Variants in SYT6 observed in about 807,000 individuals in gnomAD.
SYT6 encodes the protein synaptotagmin-6.
In SYT6, 24 loss-of-function variants were observed where a neutral mutation model predicts 38.4. That is an observed-to-expected ratio of 0.62 (90% CI 0.45 to 0.88). SYT6 has a LOEUF of 0.88. SYT6 is among the 40% of genes least tolerant of loss of function. The pLI is 0.00. For synonymous variants in SYT6, 265 were observed against 241.9 expected (o/e 1.10, Z -0.89); for missense variants, 611 against 621.0 (o/e 0.98, Z 0.17).
At chr1:114,143,418 A>G (rs1678978128) in intron 1 of SYT6, among the ~76,000 whole-genome samples, 1 of 148,778 alleles carries the variant, frequency 6.7e-6, no homozygotes, top group South Asian at 2.1e-4. Context: ...ATGTGTGTAT[A>G]TATACATATA....
intron 3 of SYT6, among the ~76,000 whole-genome samples, chr1:114,137,089 C>A (rs1046630027): frequency 6.6e-6 from 1 of 152,192 alleles, no homozygotes; most frequent in Non-Finnish European, 1.5e-5. Flanking sequence ...GAAACATGAA[C>A]AAGGCATAAA....
intron 6 of SYT6, among the ~76,000 whole-genome samples, chr1:114,097,274 T>C (rs1215942810): frequency 6.6e-6 from 1 of 152,218 alleles, no homozygotes; most frequent in African/African-American, 2.4e-5. Context: ...AGGAATCTGC[T>C]CTTTGGCATC....
chr1:114,107,528 C>T (rs562263443), intron 3 of SYT6, among the ~76,000 whole-genome samples: 4 of 152,356 alleles, frequency 2.6e-5, no homozygotes, highest in African/African-American at 4.8e-5. Flanking sequence ...AGGCTTCGCA[C>T]GGGGGAGTGG....
chr1:114,093,604 C>T (rs1079093), intron 7 of SYT6, 131 bp downstream of exon 7: 289,181 of 756,708 alleles, frequency 0.38, 57,109 homozygotes, highest in East Asian at 0.5. Context: ...GAAACCAGGT[C>T]TCCTAACACC....
chr1:114,129,020 T>G (rs1488160084), intron 3 of SYT6, among the ~76,000 whole-genome samples: 1 of 152,316 alleles, frequency 6.6e-6, no homozygotes, highest in East Asian at 1.9e-4. Context: ...CACTTGGATG[T>G]CCAAAAGGTA....
chr1:114,139,988 G>T, intron 1 of SYT6, 25 bp from the exon 2 acceptor site: 1 of 1,411,694 alleles, frequency 7.1e-7, no homozygotes, highest in Non-Finnish European at 9.5e-7. Context: ...AGCCAGGCAG[G>T]GAGGGACAGA....
intron 3 of SYT6, among the ~76,000 whole-genome samples, chr1:114,126,868 C>T (rs1677778226): frequency 6.6e-6 from 1 of 152,158 alleles, no homozygotes; most frequent in African/African-American, 2.4e-5. Context: ...GAGCCGTACC[C>T]TACAGGAAGC....
At chr1:114,116,079 C>T (rs1676976741) in intron 3 of SYT6, among the ~76,000 whole-genome samples, 1 of 152,180 alleles carries the variant, frequency 6.6e-6, no homozygotes, top group South Asian at 2.1e-4. Flanking sequence ...TTCTGCCTGC[C>T]CCCACCTGCC....
At chr1:114,096,896 T>C (rs959642940) in intron 6 of SYT6, among the ~76,000 whole-genome samples, 2 of 152,234 alleles carry the variant, frequency 1.3e-5, no homozygotes, top group Non-Finnish European at 2.9e-5. Flanking sequence ...GAGTGAGGTT[T>C]AAGCCTTGTT....
chr1:114,096,976 G>A (rs1200568079), intron 6 of SYT6, among the ~76,000 whole-genome samples: 1 of 152,166 alleles, frequency 6.6e-6, no homozygotes. Context: ...TAGAATACAG[G>A]ATCCTAAGTC....
At chr1:114,149,866 G>A (rs1376761057) in intron 1 of SYT6, among the ~76,000 whole-genome samples, 1 of 152,094 alleles carries the variant, frequency 6.6e-6, no homozygotes, top group Non-Finnish European at 1.5e-5. Context: ...GAAGAAAGAA[G>A]GGAGGGATGA....
At chr1:114,095,821 T>C (rs1216705305) in intron 6 of SYT6, among the ~76,000 whole-genome samples, 1 of 152,048 alleles carries the variant, frequency 6.6e-6, no homozygotes, top group African/African-American at 2.4e-5. Context: ...CTACCACACC[T>C]GGCTAATTTT....
intron 6 of SYT6, 111 bp downstream of exon 6, chr1:114,097,616 C>T (rs376464936): frequency 1.6e-5 from 22 of 1,371,190 alleles, no homozygotes; most frequent in East Asian, 1.4e-4. Context: ...GCATGTGGCC[C>T]TCATGCCCAC....
At chr1:114,093,916 T>A (rs1675473888) in intron 6 of SYT6, 113 bp from the exon 7 acceptor site, 1 of 962,300 alleles carries the variant, frequency 1.0e-6, no homozygotes, top group Non-Finnish European at 1.7e-6. Flanking sequence ...TGCTCTTATT[T>A]AACAGACCTT....
chr1:114,129,285 A>G (rs145567812), intron 3 of SYT6, among the ~76,000 whole-genome samples: 1 of 152,278 alleles, frequency 6.6e-6, no homozygotes, highest in Admixed American at 6.5e-5. Flanking sequence ...TCTCTTTTTT[A>G]AGACAATCAC....
Position 114,097,870 on chromosome 1 carries a change from G to A in SYT6, c.1372C>T (p.His458Tyr). Residue 458 changes from histidine (H) to tyrosine (Y), a missense_variant, in exon 6 of 8, where the codon CAC becomes TAC. Transcript: ENST00000610222. ...ISVMDYDRVG[H>Y]NEIIGVCRVG... is the part of the protein sequence containing the mutation. Reference sequence around the variant, plus strand: ...CGACAGACTCCTATGATCTCATTGTGGCCCACTCTGAGGGAGAAACAAAAG... The same window carrying A: ...CGACAGACTCCTATGATCTCATTGTAGCCCACTCTGAGGGAGAAACAAAAG... 6.2e-7 allele frequency: 1 copy of A among 1,614,022 alleles called. No homozygotes were observed. The highest frequency in any genetic ancestry group is 8.5e-7 in the Non-Finnish European group (1 of 1,179,946).
chr1:114,109,105 C>G (rs148411610), intron 3 of SYT6, among the ~76,000 whole-genome samples: 52 of 152,248 alleles, frequency 3.4e-4, no homozygotes, highest in Non-Finnish European at 6.8e-4. Context: ...GTTGGGGGTA[C>G]AGAGATGAGT....
chr1:114,128,376 CTCAG>C (rs1201567380), intron 3 of SYT6, among the ~76,000 whole-genome samples: 1 of 152,226 alleles, frequency 6.6e-6, no homozygotes, highest in East Asian at 1.9e-4. Context: ...CTGAGTTGCT[CTCAG>C]TCAGGGCTGC....
chr1:114,105,165 C>T (rs11102731), intron 3 of SYT6, among the ~76,000 whole-genome samples: 58,909 of 151,900 alleles, frequency 0.39, 12,324 homozygotes, highest in East Asian at 0.79. Context: ...CAGGAGGCTA[C>T]AGTTGTTGAA....
Sources: gnomAD v4.1 joint callset for allele counts (sites outside exome capture counted in the v4.1 genomes callset) on GRCh38, gnomAD v4.1.1 for gene constraint, MANE v1.5 for transcripts, NCBI Gene and HGNC (gene_info 2026-07-23, HGNC 2026-07-21) for gene names.